Variants in ASAP1 observed in about 807,000 individuals in gnomAD.
ASAP1 encodes ArfGAP with SH3 domain, ankyrin repeat and PH domain 1.
ASAP1 carries 43 observed loss-of-function variants against 145.2 expected under a neutral mutation model. The ratio of observed to expected loss-of-function variants is 0.30; its 90% CI spans 0.23 to 0.38. The LOEUF (loss-of-function observed/expected upper bound fraction) is 0.38. ASAP1 is among the 10% of genes least tolerant of loss of function. The probability of loss-of-function intolerance (pLI) is 1.00; values close to 1 mark genes in which losing one functional copy is unlikely to be tolerated. For synonymous variants in ASAP1, 546 were observed against 515.5 expected (o/e 1.06, Z -0.80); for missense variants, 1,018 against 1,355.3 (o/e 0.75, Z 3.91).
At chr8:130,321,742 A>G (rs1289564872) in intron 3 of ASAP1, among the ~76,000 whole-genome samples, 1 of 152,218 alleles carries the variant, frequency 6.6e-6, no homozygotes, top group Non-Finnish European at 1.5e-5. Context: ...TCTCTGAGTA[A>G]AACTAATATG....
intron 11 of ASAP1, chr8:130,167,331 G>C: frequency 1.5e-6 from 1 of 659,604 alleles, no homozygotes; most frequent in Non-Finnish European, 2.7e-6. Context: ...AAAAAATCCA[G>C]AGTCATGGAA....
chr8:130,170,448 C>T (rs1183040438), intron 9 of ASAP1, among the ~76,000 whole-genome samples: 1 of 152,096 alleles, frequency 6.6e-6, no homozygotes, highest in Non-Finnish European at 1.5e-5. Context: ...AGCCACTGCG[C>T]CCAGCTTAAG....
intron 3 of ASAP1, among the ~76,000 whole-genome samples, chr8:130,341,472 G>A (rs1157394396): frequency 6.6e-6 from 1 of 152,192 alleles, no homozygotes; most frequent in Admixed American, 6.5e-5. Context: ...CCCTTCGGCA[G>A]TAAAACCTGG....
chr8:130,188,049 GAGGAA>G, intron 6 of ASAP1, 55 bp downstream of exon 6: 1 of 1,263,876 alleles, frequency 7.9e-7, no homozygotes, highest in African/African-American at 1.5e-5. Context: ...GATCTTGAAA[GAGGAA>G]AAAAAAAATT....
chr8:130,281,744 T>C (rs1821260068), intron 3 of ASAP1, among the ~76,000 whole-genome samples: 1 of 152,238 alleles, frequency 6.6e-6, no homozygotes, highest in African/African-American at 2.4e-5. Flanking sequence ...ATTACATTGG[T>C]GCAAAAGTAA....
At chr8:130,344,549 C>G (rs960580993) in intron 3 of ASAP1, among the ~76,000 whole-genome samples, 2 of 152,166 alleles carry the variant, frequency 1.3e-5, no homozygotes, top group Non-Finnish European at 2.9e-5. Flanking sequence ...TGTCGCTCTG[C>G]TATTGCATGT....
Position 130,358,651 on chromosome 8 carries a change from G to T in ASAP1, c.60-508C>A, listed in dbSNP as rs1394896918. Among the ~76,000 whole-genome samples the T allele has an allele frequency of 1.4e-5, 2 of 146,892 alleles. No homozygotes were observed. ...CGGGCGGCGCTCGCGCTGCAGTCACGGGGCCAAACAAGGAAGTGCTCTGCG... is the reference window on the plus strand; with the variant it reads ...CGGGCGGCGCTCGCGCTGCAGTCACTGGGCCAAACAAGGAAGTGCTCTGCG... On this transcript the variant is annotated intron_variant, in intron 2 of 29. Coordinates refer to ENST00000518721, the MANE Select transcript of ASAP1 (RefSeq NM_018482.4). This position sits in a 1 kb window ranked among gnomAD's most constrained non-coding sequence, Gnocchi z 4.1.
intron 3 of ASAP1, among the ~76,000 whole-genome samples, chr8:130,342,299 C>A (rs2137929625): frequency 6.6e-6 from 1 of 152,292 alleles, no homozygotes; most frequent in East Asian, 1.9e-4. Context: ...GTCACTCCTT[C>A]CCTCAGTTTT....
intron 5 of ASAP1, among the ~76,000 whole-genome samples, chr8:130,188,640 A>C (rs1814907475): frequency 6.7e-6 from 1 of 148,676 alleles, no homozygotes; most frequent in African/African-American, 2.5e-5. Context: ...AGGCTGAGGC[A>C]GGAGAATCAT....
chr8:130,297,411 G>A (rs1586779217), intron 3 of ASAP1, among the ~76,000 whole-genome samples: 2 of 152,200 alleles, frequency 1.3e-5, no homozygotes, highest in East Asian at 3.8e-4. Context: ...AAGTGGACCA[G>A]CACAGTTCAC....
chr8:130,324,213 C>A (rs1280169172), intron 3 of ASAP1, among the ~76,000 whole-genome samples: 1 of 152,154 alleles, frequency 6.6e-6, no homozygotes, highest in Non-Finnish European at 1.5e-5. Flanking sequence ...ATGACTCAAC[C>A]CCACTTCTCT....
intron 13 of ASAP1, among the ~76,000 whole-genome samples, chr8:130,151,852 G>A (rs1436789463): frequency 6.6e-6 from 1 of 152,200 alleles, no homozygotes; most frequent in Non-Finnish European, 1.5e-5. Context: ...AGGCCACAAG[G>A]ACTAATGTCA....
chr8:130,070,902 AGG>A (rs1422120269), intron 27 of ASAP1, among the ~76,000 whole-genome samples: 9 of 15,696 alleles, frequency 5.7e-4, no homozygotes, highest in African/African-American at 2.8e-3. Context: ...GGAGAGAGGG[AGG>A]GAGAGAGAGG....
chr8:130,312,101 C>T (rs967271885), intron 3 of ASAP1, among the ~76,000 whole-genome samples: 5 of 151,850 alleles, frequency 3.3e-5, no homozygotes, highest in African/African-American at 7.3e-5. Flanking sequence ...CATAGCAAGA[C>T]CCAGTCTCTC....
At chr8:130,211,008 A>T (rs1816545967) in intron 5 of ASAP1, among the ~76,000 whole-genome samples, 1 of 152,216 alleles carries the variant, frequency 6.6e-6, no homozygotes. Flanking sequence ...GGAAACTAGC[A>T]TTAGAAAAGT....
At chr8:130,062,062 C>A (rs1351512111) in intron 27 of ASAP1, among the ~76,000 whole-genome samples, 4 of 152,232 alleles carry the variant, frequency 2.6e-5, no homozygotes, top group African/African-American at 9.6e-5. Context: ...AATTTACTGA[C>A]AAGCCCTGGC....
chr8:130,421,654 G>A (rs1829722924), intron 1 of ASAP1, among the ~76,000 whole-genome samples: 2 of 152,156 alleles, frequency 1.3e-5, no homozygotes, highest in African/African-American at 4.8e-5. Context: ...CAGAGGCCTA[G>A]GTCTATGAGC....
At chr8:130,332,927 T>A (rs1824789647) in intron 3 of ASAP1, among the ~76,000 whole-genome samples, 2 of 151,798 alleles carry the variant, frequency 1.3e-5, no homozygotes, top group East Asian at 1.9e-4. Context: ...TTTTTTTTTT[T>A]AAAGGGAAAA....
At chr8:130,093,661 C>T (rs1356386545) in intron 24 of ASAP1, among the ~76,000 whole-genome samples, 12 of 52,106 alleles carry the variant, frequency 2.3e-4, no homozygotes, top group Non-Finnish European at 3.6e-4. Flanking sequence ...AGCGAGACTC[C>T]GTCTCAAAAA....
Sources: gnomAD v4.1 joint callset for allele counts (sites outside exome capture counted in the v4.1 genomes callset) on GRCh38, gnomAD v4.1.1 for gene constraint, Gnocchi (gnomAD v3.1) non-coding constraint, MANE v1.5 for transcripts, NCBI Gene and HGNC (gene_info 2026-07-23, HGNC 2026-07-21) for gene names.